SLC35F3: variants seen among roughly 807,000 people sequenced by gnomAD.
SLC35F3 encodes the protein putative thiamine transporter SLC35F3.
Under a neutral mutation model 49.9 loss-of-function variants are expected in SLC35F3, and 25 were observed. The observed-to-expected ratio is 0.50, with a 90% CI of 0.37 to 0.70. SLC35F3 has a LOEUF of 0.70. Ranked by LOEUF, SLC35F3 falls within the 30% of genes least tolerant of loss-of-function variation. SLC35F3 has a pLI of 0.00. For missense variants in SLC35F3, 525 were observed against 639.8 expected, an observed-to-expected ratio of 0.82 and a Z score of 1.94; for synonymous variants, 275 against 265.4, an observed-to-expected ratio of 1.04 and a Z score of -0.35.
At chr1:234,295,855 G>A (rs995894937) in intron 3 of SLC35F3, among the ~76,000 whole-genome samples, 2 of 152,190 alleles carry the variant, frequency 1.3e-5, no homozygotes, top group Non-Finnish European at 2.9e-5. Flanking sequence ...CTCAGATCTG[G>A]TGTTGCTCCA....
chr1:234,177,389 G>A (rs971254110), intron 2 of SLC35F3, among the ~76,000 whole-genome samples: 5 of 152,172 alleles, frequency 3.3e-5, no homozygotes, highest in Admixed American at 6.6e-5. Context: ...ATACTCCTAA[G>A]AGGGAAGCAC....
intron 2 of SLC35F3, among the ~76,000 whole-genome samples, chr1:234,225,789 C>A (rs563907597): frequency 6.6e-6 from 1 of 152,170 alleles, no homozygotes; most frequent in Non-Finnish European, 1.5e-5. Context: ...GCATGTCCAT[C>A]GATAGATGAA....
intron 2 of SLC35F3, among the ~76,000 whole-genome samples, chr1:234,204,336 A>C (rs1666941530): frequency 3.8e-5 from 2 of 52,498 alleles, no homozygotes. Context: ...AATCATCTTA[A>C]AAGCAAAACA....
At chr1:234,002,452 T>C in intron 2 of SLC35F3, among the ~76,000 whole-genome samples, 1 of 152,126 alleles carries the variant, frequency 6.6e-6, no homozygotes. Context: ...TTGAGAAATA[T>C]TGGTTAAGTA....
At chr1:234,217,333 C>T (rs1667137215) in intron 2 of SLC35F3, among the ~76,000 whole-genome samples, 1 of 152,208 alleles carries the variant, frequency 6.6e-6, no homozygotes, top group Non-Finnish European at 1.5e-5. Flanking sequence ...TACTCTGTGT[C>T]CTGTGACAAT....
chr1:234,131,787 A>G (rs1014210125), intron 2 of SLC35F3, among the ~76,000 whole-genome samples: 52 of 152,200 alleles, frequency 3.4e-4, no homozygotes, highest in African/African-American at 1.3e-3. Flanking sequence ...AAGACTAGAA[A>G]GCGTTTGGCA....
intron 2 of SLC35F3, among the ~76,000 whole-genome samples, chr1:234,150,094 T>C (rs1005065992): frequency 2.0e-5 from 3 of 152,212 alleles, no homozygotes; most frequent in African/African-American, 7.2e-5. Context: ...TTCTGAGAAT[T>C]TTTGCTCATC....
At chr1:234,285,342 G>T (rs370472725) in intron 3 of SLC35F3, 11 of 484,394 alleles carry the variant, frequency 2.3e-5, no homozygotes, top group East Asian at 1.9e-4. Context: ...CATCCGCAGG[G>T]TTCAGATGAG....
At chr1:234,222,466 G>T (rs540728865) in intron 2 of SLC35F3, among the ~76,000 whole-genome samples, 77 of 152,274 alleles carry the variant, frequency 5.1e-4, no homozygotes, top group African/African-American at 1.8e-3. Flanking sequence ...ATTTTGCTCT[G>T]TTCTGCTCAT....
chr1:234,263,251 T>C (rs1667932354), intron 3 of SLC35F3, among the ~76,000 whole-genome samples: 1 of 152,124 alleles, frequency 6.6e-6, no homozygotes, highest in South Asian at 2.1e-4. Context: ...CATATTTAGG[T>C]TCTATTTAGG....
intron 2 of SLC35F3, among the ~76,000 whole-genome samples, chr1:233,973,699 T>C (rs1663030540): frequency 6.6e-6 from 1 of 152,216 alleles, no homozygotes; most frequent in African/African-American, 2.4e-5. Context: ...AGGCAGACAC[T>C]TCCACTGAGG....
intron 2 of SLC35F3, among the ~76,000 whole-genome samples, chr1:234,221,273 G>A (rs1667200707): frequency 6.6e-6 from 1 of 152,174 alleles, no homozygotes; most frequent in Non-Finnish European, 1.5e-5. Context: ...TGTCTTAAGG[G>A]GGAGGGAGAT....
chr1:233,933,341 G>A (rs1384841299), intron 2 of SLC35F3, among the ~76,000 whole-genome samples: 1 of 151,906 alleles, frequency 6.6e-6, no homozygotes, highest in Non-Finnish European at 1.5e-5. Context: ...TTACTAAAAA[G>A]TTATTTTTTA....
chr1:234,220,523 C>A (rs1160389282), intron 2 of SLC35F3, among the ~76,000 whole-genome samples: 1 of 152,202 alleles, frequency 6.6e-6, no homozygotes, highest in Non-Finnish European at 1.5e-5. Context: ...TTAGTCCTCA[C>A]AACATGCCTC....
At chr1:233,994,140 G>A (rs1170521815) in intron 2 of SLC35F3, among the ~76,000 whole-genome samples, 1 of 152,174 alleles carries the variant, frequency 6.6e-6, no homozygotes, top group African/African-American at 2.4e-5. Flanking sequence ...CGTGTTATTG[G>A]CATAGGTCAT....
intron 2 of SLC35F3, among the ~76,000 whole-genome samples, chr1:234,151,312 C>T (rs543831207): frequency 1.3e-5 from 2 of 150,856 alleles, no homozygotes; most frequent in African/African-American, 2.4e-5. Context: ...TTTCCTGAGC[C>T]CCATCTCATT....
intron 2 of SLC35F3, among the ~76,000 whole-genome samples, chr1:234,066,741 C>G: frequency 6.6e-6 from 1 of 151,034 alleles, no homozygotes; most frequent in East Asian, 1.9e-4. Flanking sequence ...CTCCCTTTCT[C>G]TCTCTTTCTC....
chr1:233,988,810 A>G (rs1001301452), intron 2 of SLC35F3, among the ~76,000 whole-genome samples: 1 of 152,174 alleles, frequency 6.6e-6, no homozygotes, highest in African/African-American at 2.4e-5. Context: ...ACTTCTGCCA[A>G]GCCTTACCAG....
chr1:234,257,131 A>T (rs1053631198), intron 3 of SLC35F3, among the ~76,000 whole-genome samples: 2 of 152,186 alleles, frequency 1.3e-5, no homozygotes, highest in Admixed American at 1.3e-4. Flanking sequence ...TAGGTTGGGG[A>T]TATAATTTTA....
Sources: allele counts gnomAD v4.1 joint callset (sites outside exome capture counted in the v4.1 genomes callset), GRCh38; gene constraint gnomAD v4.1.1; transcripts MANE v1.5; gene names NCBI Gene and HGNC (gene_info 2026-07-23, HGNC 2026-07-21).